The following CCDC172 variants were observed in gnomAD, a reference collection of about 807,000 sequenced individuals.
The protein encoded by CCDC172 is coiled-coil domain containing 172, also known as coiled-coil domain-containing protein 172.
A neutral mutation model predicts 38.0 loss-of-function variants in CCDC172; 30 were observed. The ratio of observed to expected loss-of-function variants is 0.79; its 90% CI spans 0.59 to 1.07. The LOEUF is 1.07. CCDC172 is among the 50% of genes least tolerant of loss of function. CCDC172 has a pLI of 0.00. For synonymous variants in CCDC172, 78 were observed against 88.3 expected, an observed-to-expected ratio of 0.88 and a Z score of 0.66; for missense variants, 297 against 290.1, an observed-to-expected ratio of 1.02 and a Z score of -0.17.
At chr10:116,377,130 A>G (rs554444578) in intron 7 of CCDC172, among the ~76,000 whole-genome samples, 38 of 152,320 alleles carry the variant, frequency 2.5e-4, no homozygotes, top group African/African-American at 7.5e-4. Flanking sequence ...ACATGTATAC[A>G]TATGTAACAA....
intron 5 of CCDC172, 34 bp from the exon 6 acceptor site, chr10:116,357,346 A>G (rs774789466): frequency 7.3e-7 from 1 of 1,369,126 alleles, no homozygotes; most frequent in Non-Finnish European, 1.0e-6. Context: ...ATTTCTAAGT[A>G]TTTTATTTTT....
intron 5 of CCDC172, among the ~76,000 whole-genome samples, chr10:116,343,538 A>AAT (rs1555179387): frequency 1.2e-3 from 179 of 149,006 alleles, no homozygotes; most frequent in African/African-American, 3.6e-3. Context: ...TTTTTAAAAA[A>AAT]ATATATATAA....
intron 7 of CCDC172, among the ~76,000 whole-genome samples, 155 bp downstream of exon 7, chr10:116,358,093 A>C (rs191784235): frequency 1.3e-5 from 2 of 152,182 alleles, no homozygotes; most frequent in East Asian, 3.9e-4. Context: ...TAATAAGGAA[A>C]CACTTCAGGG....
intron 7 of CCDC172, among the ~76,000 whole-genome samples, chr10:116,377,722 T>G (rs1197272967): frequency 6.6e-6 from 1 of 152,100 alleles, no homozygotes; most frequent in African/African-American, 2.4e-5. Flanking sequence ...AAGGGTCATT[T>G]TTTTTTCTAT....
At chr10:116,338,635 C>T (rs1342049038) in intron 3 of CCDC172, among the ~76,000 whole-genome samples, 1 of 152,026 alleles carries the variant, frequency 6.6e-6, no homozygotes, top group Non-Finnish European at 1.5e-5. Context: ...CAATATGTCA[C>T]CTAGCTCTTC....
intron 7 of CCDC172, among the ~76,000 whole-genome samples, chr10:116,372,762 C>A (rs55744723): frequency 0.12 from 17,672 of 151,864 alleles, 1,598 homozygotes; most frequent in African/African-American, 0.25. Flanking sequence ...TAAAGAGAAA[C>A]TCAGGAAGGA....
At chr10:116,339,577 T>C (rs1844769084) in intron 3 of CCDC172, among the ~76,000 whole-genome samples, 1 of 151,968 alleles carries the variant, frequency 6.6e-6, no homozygotes, top group Non-Finnish European at 1.5e-5. Context: ...ATTGTACCTC[T>C]CTAATCTTTC....
chr10:116,377,609 G>A (rs1377177934), intron 7 of CCDC172, among the ~76,000 whole-genome samples: 1 of 151,846 alleles, frequency 6.6e-6, no homozygotes, highest in Non-Finnish European at 1.5e-5. Flanking sequence ...ACTTAATTGG[G>A]GAAAAGAAAG....
At chr10:116,378,843 T>C (rs1845279748) in intron 8 of CCDC172, among the ~76,000 whole-genome samples, 2 of 152,190 alleles carry the variant, frequency 1.3e-5, no homozygotes, top group African/African-American at 4.8e-5. Flanking sequence ...AATTTAACTA[T>C]CATAATGCCT....
At chr10:116,352,072 G>A (rs1217139195) in intron 5 of CCDC172, among the ~76,000 whole-genome samples, 1 of 152,132 alleles carries the variant, frequency 6.6e-6, no homozygotes, top group African/African-American at 2.4e-5. Flanking sequence ...ACAATTCTAA[G>A]AGCTCATATG....
intron 7 of CCDC172, among the ~76,000 whole-genome samples, chr10:116,373,102 G>A (rs1474616373): frequency 1.3e-5 from 2 of 152,052 alleles, no homozygotes; most frequent in African/African-American, 2.4e-5. Context: ...CTCCAGAAAT[G>A]GTTCAAATGG....
At chr10:116,355,894 T>G (rs913251792) in intron 5 of CCDC172, among the ~76,000 whole-genome samples, 3 of 152,154 alleles carry the variant, frequency 2.0e-5, no homozygotes, top group African/African-American at 7.2e-5. Flanking sequence ...CAAAATTATA[T>G]AATGGTAATT....
intron 7 of CCDC172, among the ~76,000 whole-genome samples, chr10:116,365,036 G>A (rs1208490240): frequency 2.0e-5 from 3 of 152,170 alleles, no homozygotes; most frequent in African/African-American, 7.2e-5. Context: ...ACAATAACCA[G>A]TGCAAAGTGC....
At chr10:116,351,856 G>A (rs934019739) in intron 5 of CCDC172, among the ~76,000 whole-genome samples, 1 of 152,124 alleles carries the variant, frequency 6.6e-6, no homozygotes, top group African/African-American at 2.4e-5. Context: ...TCTGAGTTGA[G>A]GAAACAAAGA....
At chr10:116,354,917 A>C (rs1395575002) in intron 5 of CCDC172, among the ~76,000 whole-genome samples, 1 of 152,174 alleles carries the variant, frequency 6.6e-6, no homozygotes, top group African/African-American at 2.4e-5. Context: ...CGTTTTTTAC[A>C]AAAAAAGTTT....
At chr10:116,341,509 C>T (rs1844794984) in intron 4 of CCDC172, among the ~76,000 whole-genome samples, 1 of 151,940 alleles carries the variant, frequency 6.6e-6, no homozygotes, top group African/African-American at 2.4e-5. Flanking sequence ...ATTTCTCTGC[C>T]ATGTTGATAC....
At chr10:116,339,972 G>A (rs1470893718) in intron 3 of CCDC172, among the ~76,000 whole-genome samples, 1 of 151,846 alleles carries the variant, frequency 6.6e-6, no homozygotes, top group Admixed American at 6.6e-5. Flanking sequence ...AACTGGAAAC[G>A]ATGCTTTCTT....
At chr10:116,361,840 T>C (rs1233178394) in intron 7 of CCDC172, among the ~76,000 whole-genome samples, 1 of 152,190 alleles carries the variant, frequency 6.6e-6, no homozygotes, top group African/African-American at 2.4e-5. Context: ...TTTCAAACTC[T>C]TTCAAGGATA....
At position 116,325,105 on chromosome 10, in the gene CCDC172, G is replaced by C. The variant is rs771433548; in HGVS notation, c.79+15G>C. 13 of 1,613,172 alleles carry C rather than the reference G, an allele frequency of 8.1e-6. No homozygotes were observed. In the South Asian group the frequency reaches 1.4e-4, roughly 18 times the overall value. ...GATGCGAGAAGGTCGGGGTATTTCT[G>C]TCCTTTGCATGGGGCCTTTTGTCTT... On this transcript the variant is annotated intron_variant, in intron 2 of 8. Transcript: ENST00000333254.
Sources: allele counts gnomAD v4.1 joint callset (sites outside exome capture counted in the v4.1 genomes callset), GRCh38; gene constraint gnomAD v4.1.1; transcripts MANE v1.5; gene names NCBI Gene and HGNC (gene_info 2026-07-23, HGNC 2026-07-21).